Variants in PRKG1 observed in about 807,000 individuals in gnomAD.
The protein encoded by PRKG1 is protein kinase cGMP-dependent 1.
PRKG1 carries 35 observed loss-of-function variants against 88.1 expected under a neutral mutation model. That is an observed-to-expected ratio of 0.40 (90% CI 0.30 to 0.53). The LOEUF (loss-of-function observed/expected upper bound fraction) is 0.53, where lower values mean the gene tolerates loss of function less well. Among genes scored for constraint, PRKG1 ranks in the 20% least tolerant of loss-of-function variants. The probability of loss-of-function intolerance (pLI) is 0.59; values close to 1 mark genes in which losing one functional copy is unlikely to be tolerated. For missense variants in PRKG1, 540 were observed against 839.8 expected, an observed-to-expected ratio of 0.64 and a Z score of 4.41; for synonymous variants, 303 against 292.5, an observed-to-expected ratio of 1.04 and a Z score of -0.37.
chr10:51,722,146 T>C (rs976682005), intron 3 of PRKG1, among the ~76,000 whole-genome samples: 6 of 152,024 alleles, frequency 3.9e-5, no homozygotes, highest in Admixed American at 3.9e-4. Flanking sequence ...AGAGAATTGC[T>C]TGAACCTGGG....
At chr10:51,498,378 G>A (rs1317086693) in intron 3 of PRKG1, among the ~76,000 whole-genome samples, 1 of 152,106 alleles carries the variant, frequency 6.6e-6, no homozygotes, top group Admixed American at 6.5e-5. Flanking sequence ...ATCTAGCTAT[G>A]TTTACATTTC....
intron 7 of PRKG1, chr10:52,128,435 G>A: frequency 1.0e-6 from 1 of 985,416 alleles, no homozygotes; most frequent in Non-Finnish European, 1.2e-6. Flanking sequence ...AGAACCAGAA[G>A]AGCCGATGTA....
intron 2 of PRKG1, among the ~76,000 whole-genome samples, chr10:51,406,079 GTC>G (rs1837903692): frequency 6.6e-6 from 1 of 152,110 alleles, no homozygotes; most frequent in African/African-American, 2.4e-5. Flanking sequence ...GCGATCCTCT[GTC>G]TCTACTTCTC....
At chr10:51,849,663 A>G (rs1840493627) in intron 4 of PRKG1, among the ~76,000 whole-genome samples, 1 of 152,184 alleles carries the variant, frequency 6.6e-6, no homozygotes, top group African/African-American at 2.4e-5. Context: ...AATTGAATTT[A>G]ATAATCACCA....
At chr10:52,176,481 C>G (rs1255769805) in intron 9 of PRKG1, among the ~76,000 whole-genome samples, 1 of 151,972 alleles carries the variant, frequency 6.6e-6, no homozygotes, top group Non-Finnish European at 1.5e-5. Flanking sequence ...CACCCACCAC[C>G]AGGATTGCTT....
chr10:51,607,492 C>T (rs977485490), intron 3 of PRKG1, among the ~76,000 whole-genome samples: 1 of 152,186 alleles, frequency 6.6e-6, no homozygotes, highest in Non-Finnish European at 1.5e-5. Context: ...TGACATTTCT[C>T]AATTGTCTTG....
intron 4 of PRKG1, among the ~76,000 whole-genome samples, chr10:51,816,488 G>T (rs1589314282): frequency 6.6e-6 from 1 of 151,068 alleles, no homozygotes; most frequent in East Asian, 1.9e-4. Context: ...GAAGTGCATT[G>T]CTATAAACAT....
chr10:51,938,394 C>G (rs1842839381), intron 5 of PRKG1, among the ~76,000 whole-genome samples: 1 of 151,926 alleles, frequency 6.6e-6, no homozygotes, highest in Non-Finnish European at 1.5e-5. Flanking sequence ...CACTGGGGAT[C>G]TTGCAATGTA....
intron 5 of PRKG1, among the ~76,000 whole-genome samples, chr10:51,944,617 C>G (rs1842984522): frequency 6.6e-6 from 1 of 152,038 alleles, no homozygotes; most frequent in African/African-American, 2.4e-5. Context: ...CTTCTACACA[C>G]TGCTTTGAAT....
At chr10:51,841,819 A>T (rs1338824557) in intron 4 of PRKG1, among the ~76,000 whole-genome samples, 1 of 151,926 alleles carries the variant, frequency 6.6e-6, no homozygotes, top group Admixed American at 6.6e-5. Context: ...AGTAGCTGGG[A>T]TTATAGATGT....
At chr10:51,653,831 G>A (rs553479113) in intron 3 of PRKG1, among the ~76,000 whole-genome samples, 2 of 152,316 alleles carry the variant, frequency 1.3e-5, no homozygotes, top group East Asian at 3.9e-4. Context: ...GCATCCGAAA[G>A]TGCTAGGATT....
chr10:50,996,399 G>A (rs145233919), intron 1 of PRKG1, among the ~76,000 whole-genome samples: 1 of 152,258 alleles, frequency 6.6e-6, no homozygotes, highest in Admixed American at 6.5e-5. Flanking sequence ...TTAGTAAGTG[G>A]GGAATCCTTC....
At chr10:51,096,169 T>C (rs978466762) in intron 1 of PRKG1, among the ~76,000 whole-genome samples, 1 of 151,948 alleles carries the variant, frequency 6.6e-6, no homozygotes, top group African/African-American at 2.4e-5. Context: ...AGGGATAGAA[T>C]TGGAAGGAAA....
intron 1 of PRKG1, among the ~76,000 whole-genome samples, chr10:51,111,808 G>A (rs1303243395): frequency 6.6e-6 from 1 of 152,136 alleles, no homozygotes; most frequent in Non-Finnish European, 1.5e-5. Flanking sequence ...TCGGAGAGGT[G>A]TTTTTACCCA....
chr10:51,148,926 G>A (rs2127609), intron 1 of PRKG1, among the ~76,000 whole-genome samples: 12,092 of 151,966 alleles, frequency 0.08, 577 homozygotes, highest in Admixed American at 0.12. Flanking sequence ...CTTCACTGGT[G>A]TTTGGAATAA....
In PRKG1 at chr10:52,293,953, C is replaced by T; in HGVS notation, c.*53C>T. On this transcript the variant is annotated 3_prime_UTR_variant, in exon 18 of 18. Transcript: ENST00000373980. Reference sequence around the variant, plus strand: ...GCTGAAGACAGCTTTTTCTGAGACACAGCTGCCAGCAAACCTGAGGGAAAG... The same window carrying T: ...GCTGAAGACAGCTTTTTCTGAGACATAGCTGCCAGCAAACCTGAGGGAAAG... The T allele has an allele frequency of 7.0e-7, 1 of 1,433,256 alleles. No homozygotes were observed. Among genetic ancestry groups the T allele is most frequent in the Non-Finnish European group, 9.8e-7 (1 of 1,022,304 alleles). The allele number at this position is 1,433,256 out of a possible 1,614,324, so 88.8% of individuals were successfully genotyped here.
At chr10:52,132,471 C>T (rs1029189655) in intron 7 of PRKG1, among the ~76,000 whole-genome samples, 1 of 151,998 alleles carries the variant, frequency 6.6e-6, no homozygotes, top group East Asian at 1.9e-4. Context: ...ATCTAAACAG[C>T]ATGGTATAGC....
rs747976301 is a variant in PRKG1, at chr10:51,525,829, CT to C, written c.592+58007del. On this transcript the variant is annotated intron_variant, in intron 3 of 17. Transcript: ENST00000373980. ...AGTAGAGTAGCCATCACTCTTAGCA[CT>C]TTTTTTTTTTTTTGAGATGCAGTCT... Among the ~76,000 whole-genome samples the C allele has an allele frequency of 8.6e-3, 1,254 of 145,822 alleles. 8 individuals are homozygous for C. The highest frequency in any genetic ancestry group is 0.011 in the African/African-American group (446 of 40,038).
At chr10:52,188,303 TATATATATACATATGTATATATATACAC>T (rs1839270579) in intron 9 of PRKG1, among the ~76,000 whole-genome samples, 2 of 119,764 alleles carry the variant, frequency 1.7e-5, no homozygotes, top group Non-Finnish European at 3.3e-5. Flanking sequence ...TATATATATG[TATATATATACATATGTATATATATACAC>T]ATATATATAT....
Sources: allele counts gnomAD v4.1 joint callset (sites outside exome capture counted in the v4.1 genomes callset), GRCh38; gene constraint gnomAD v4.1.1; transcripts MANE v1.5; gene names NCBI Gene and HGNC (gene_info 2026-07-23, HGNC 2026-07-21).